ACAD10: variants seen among roughly 807,000 people sequenced by gnomAD.
ACAD10 encodes acyl-CoA dehydrogenase family member 10, also known as ACAD-10.
ACAD10 carries 112 observed loss-of-function variants against 116.8 expected under a neutral mutation model. That is an observed-to-expected ratio of 0.96 (90% CI 0.82 to 1.12). The LOEUF is 1.12. Among genes scored for constraint, ACAD10 ranks in the 50% most tolerant of loss-of-function variants. ACAD10 has a pLI of 0.00. For synonymous variants in ACAD10, 486 were observed against 510.6 expected, an observed-to-expected ratio of 0.95 and a Z score of 0.65; for missense variants, 1,259 against 1,350.2, an observed-to-expected ratio of 0.93 and a Z score of 1.06.
chr12:111,730,266 A>G (rs1889349249), intron 10 of ACAD10, among the ~76,000 whole-genome samples: 1 of 152,168 alleles, frequency 6.6e-6, no homozygotes, highest in Non-Finnish European at 1.5e-5. Context: ...GACCTGGTCC[A>G]GTGTTCCCAG....
chr12:111,687,724 C>T (rs1216250598), intron 1 of ACAD10, among the ~76,000 whole-genome samples: 1 of 152,128 alleles, frequency 6.6e-6, no homozygotes, highest in East Asian at 1.9e-4. Flanking sequence ...GGTACTATGT[C>T]CCTGTTCTAC....
At chr12:111,748,850 A>T in intron 17 of ACAD10, 2 of 755,994 alleles carry the variant, frequency 2.6e-6, no homozygotes, top group East Asian at 3.5e-5. Context: ...CTCTGCTAAT[A>T]GTGTTCACAT....
chr12:111,690,525 C>T (rs1888008223), intron 1 of ACAD10: 1 of 152,038 alleles, frequency 6.6e-6, no homozygotes. Flanking sequence ...TGACTCACAC[C>T]TGTAATTCCA....
Position 111,709,834 on chromosome 12 carries a change from CTA to C in ACAD10, c.690+152_690+153del, listed in dbSNP as rs1888619997. The C allele has an allele frequency of 3.4e-6, 3 of 876,154 alleles. No individual in the cohort carries two copies. In the African/African-American group the frequency reaches 5.2e-5, roughly 15 times the overall value. 54.3% of individuals were successfully genotyped at this position (876,154 alleles called of 1,614,324 possible). ...TCTTATTTTGTGTTAATTATGAAAT[CTA>C]TGTGACTAGCTGCTTGTATTTTCAA... On this transcript the variant is annotated intron_variant, in intron 5 of 20. Coordinates refer to ENST00000313698, the MANE Select transcript of ACAD10 (RefSeq NM_025247.6).
At chr12:111,705,606 C>T in intron 3 of ACAD10, 132 bp from the exon 4 acceptor site, 1 of 789,726 alleles carries the variant, frequency 1.3e-6, no homozygotes, top group Non-Finnish European at 2.0e-6. Flanking sequence ...CTGCAGGCAG[C>T]AAGCTATGAG....
At chr12:111,736,211 G>C (rs1365957610) in intron 11 of ACAD10, among the ~76,000 whole-genome samples, 1 of 135,700 alleles carries the variant, frequency 7.4e-6, no homozygotes, top group Non-Finnish European at 1.6e-5. Flanking sequence ...TTTTGAGATG[G>C]AGTCTTGCTC....
chr12:111,701,733 C>T (rs1203360837), intron 2 of ACAD10, among the ~76,000 whole-genome samples: 1 of 152,162 alleles, frequency 6.6e-6, no homozygotes, highest in African/African-American at 2.4e-5. Context: ...AGTGTACTCA[C>T]TCCATGCTGT....
At chr12:111,728,176 G>T in intron 9 of ACAD10, 33 bp downstream of exon 9, 1 of 1,558,842 alleles carries the variant, frequency 6.4e-7, no homozygotes, top group Non-Finnish European at 8.7e-7. Context: ...CATGCTGGTT[G>T]TTTCATCACT....
At chr12:111,723,038 C>T (rs1100130) in intron 8 of ACAD10, among the ~76,000 whole-genome samples, 22,359 of 138,982 alleles carry the variant, frequency 0.16, 1,798 homozygotes, top group East Asian at 0.24. Flanking sequence ...ACCTCCCTCC[C>T]GGACGGGGCG....
intron 9 of ACAD10, among the ~76,000 whole-genome samples, chr12:111,729,384 CCCA>C (rs939945993): frequency 6.6e-6 from 1 of 152,150 alleles, no homozygotes; most frequent in African/African-American, 2.4e-5. Flanking sequence ...ATGACAGGCA[CCCA>C]CCACCACACC....
chr12:111,734,172 G>A, intron 11 of ACAD10, 104 bp downstream of exon 11: 1 of 1,516,510 alleles, frequency 6.6e-7, no homozygotes, highest in Non-Finnish European at 9.0e-7. Context: ...GGAAGTGAAA[G>A]TGAGGTCCTG....
intron 20 of ACAD10, chr12:111,755,987 G>A (rs1017651146): frequency 2.2e-5 from 16 of 717,836 alleles, no homozygotes; most frequent in Non-Finnish European, 4.5e-6. Context: ...CCAGGTCACT[G>A]AGCTTGCAAG....
intron 6 of ACAD10, among the ~76,000 whole-genome samples, chr12:111,713,347 G>A (rs908165767): frequency 1.5e-4 from 22 of 151,238 alleles, no homozygotes; most frequent in African/African-American, 5.4e-4. Flanking sequence ...TTGCTGACCG[G>A]GGCGTAGTGG....
intron 11 of ACAD10, 137 bp from the exon 12 acceptor site, chr12:111,736,694 G>C: frequency 1.2e-6 from 1 of 806,150 alleles, no homozygotes. Flanking sequence ...AGCCAATGCA[G>C]GAATAAGCTA....
intron 12 of ACAD10, among the ~76,000 whole-genome samples, chr12:111,739,738 A>G (rs1342606827): frequency 1.3e-5 from 2 of 152,106 alleles, no homozygotes; most frequent in Non-Finnish European, 2.9e-5. Flanking sequence ...AGCCTGGGCA[A>G]CAAAGTGAGA....
At position 111,747,088 on chromosome 12, in the gene ACAD10, C is replaced by G. The variant is rs1435881876; in HGVS notation, c.2296C>G (p.Leu766Val). 6.2e-7 allele frequency: 1 copy of G among 1,612,326 alleles called. No individual in the cohort carries two copies. The highest frequency in any genetic ancestry group is 8.5e-7 in the Non-Finnish European group (1 of 1,178,906). ...CSAPDTGNME[L>V]LVRYGTEAQK... The stretch of plus-strand genomic sequence containing the variant: ...TGCGCCTGACACGGGCAACATGGAG[C>G]TGCTGGTGAGGTATGGCACCGAAGC... Residue 766 changes from leucine (L) to valine (V), a missense_variant, in exon 15 of 21, where the codon CTG (leucine) becomes GTG (valine). Physicochemically the swap from Leu to Val is conservative, Grantham distance 32 (BLOSUM62 1). Transcript: ENST00000313698.
intron 6 of ACAD10, among the ~76,000 whole-genome samples, chr12:111,714,928 C>G (rs1888797102): frequency 6.6e-6 from 1 of 152,008 alleles, no homozygotes; most frequent in Non-Finnish European, 1.5e-5. Context: ...GTTGGTCAGG[C>G]TGGTCTCAAA....
At chr12:111,699,015 A>G (rs1378928217) in intron 2 of ACAD10, among the ~76,000 whole-genome samples, 1 of 151,978 alleles carries the variant, frequency 6.6e-6, no homozygotes, top group South Asian at 2.1e-4. Flanking sequence ...AGGTAGCTGC[A>G]CTATAGGCTC....
rs560344796 is a variant in ACAD10 at position 111,718,036 on chromosome 12, C to CTTTTTTTTT, written c.992+2097_992+2105dup. On this transcript the variant is annotated intron_variant, in intron 7 of 20. Transcript: ENST00000313698. ...TATACGTAGGATCTATAGTGATATC[C>CTTTTTTTTT]TTTTTTTTTTTTTTTTTTTTTTTTT... Among the ~76,000 whole-genome samples the CTTTTTTTTT allele has an allele frequency of 1.3e-3, 82 of 63,676 alleles. 11 individuals carry two copies. Among genetic ancestry groups the CTTTTTTTTT allele is most frequent in the African/African-American group, 5.9e-3 (72 of 12,204 alleles). The allele number at this position is 63,676 out of a possible 152,430, so 41.8% of individuals were successfully genotyped here.
Sources: gnomAD v4.1 joint callset for allele counts (sites outside exome capture counted in the v4.1 genomes callset) on GRCh38, gnomAD v4.1.1 for gene constraint, MANE v1.5 for transcripts, NCBI Gene and HGNC (gene_info 2026-07-23, HGNC 2026-07-21) for gene names.